Variants in SMAD4 observed in about 807,000 individuals in gnomAD.
SMAD4 encodes MAD homolog 4.
SMAD4 carries 7 observed loss-of-function variants against 63.2 expected under a neutral mutation model. That is an observed-to-expected ratio of 0.11 (90% CI 0.06 to 0.21). SMAD4 has a LOEUF of 0.21. SMAD4 is among the 10% of genes least tolerant of loss of function. The pLI, the probability that SMAD4 is intolerant of heterozygous loss-of-function variation, is 1.00. For missense variants in SMAD4, 312 were observed against 693.8 expected (o/e 0.45, Z 6.18); for synonymous variants, 215 against 235.4 (o/e 0.91, Z 0.79).
intron 1 of SMAD4, among the ~76,000 whole-genome samples, chr18:51,037,538 T>C (rs1171174573): frequency 6.6e-6 from 1 of 152,212 alleles, no homozygotes; most frequent in East Asian, 1.9e-4. Context: ...CCGGTTTCAC[T>C]TAATAATCCC....
intron 1 of SMAD4, among the ~76,000 whole-genome samples, chr18:51,046,497 AT>A (rs1479689448): frequency 6.6e-6 from 1 of 151,184 alleles, no homozygotes; most frequent in Non-Finnish European, 1.5e-5. Context: ...GCTAGGTAGA[AT>A]TTCATACCAG....
At chr18:51,055,090 C>A in intron 5 of SMAD4, 97 bp downstream of exon 5, 1 of 886,052 alleles carries the variant, frequency 1.1e-6, no homozygotes, top group Non-Finnish European at 1.9e-6. Flanking sequence ...AGTAAGTAAA[C>A]ATTAAAAGTA....
Position 51,034,691 on chromosome 18 carries a change from A to G in SMAD4, c.-128+4068A>G, listed in dbSNP as rs935608896. On this transcript the variant is annotated intron_variant, in intron 1 of 11. Transcript: ENST00000342988. ...GCGGTAGCTGGGACTACAGGCACACACCATCACACCTGTCTAATTTTTTGA... is the reference window on the plus strand; with the variant it reads ...GCGGTAGCTGGGACTACAGGCACACGCCATCACACCTGTCTAATTTTTTGA... 5.9e-5 allele frequency among the ~76,000 whole-genome samples: 9 copies of G among 152,188 alleles called. No homozygotes were observed. In the South Asian group the frequency reaches 1.7e-3, roughly 28 times the overall value.
At chr18:51,049,452 G>A (rs957842555) in intron 4 of SMAD4, 128 bp downstream of exon 4, 1 of 738,950 alleles carries the variant, frequency 1.4e-6, no homozygotes, top group Non-Finnish European at 2.4e-6. Context: ...TACTGCTTTG[G>A]AAATGTAGAT....
intron 1 of SMAD4, among the ~76,000 whole-genome samples, chr18:51,032,855 A>G (rs1210402408): frequency 6.6e-6 from 1 of 152,090 alleles, no homozygotes; most frequent in Non-Finnish European, 1.5e-5. Flanking sequence ...TGGTGAAAAC[A>G]TGTTGTTTTG....
rs1450171933 is a variant in SMAD4 at position 51,083,996 on chromosome 18, GTGCGCA to G, written c.*5530_*5535del. On this transcript the variant is annotated 3_prime_UTR_variant, in exon 12 of 12. Transcript: ENST00000342988. ...GGGCTGCAATAAACACTTAACGCGC[GTGCGCA>G]CGCGCGCGCGCACACACACACACAC... 6.3e-3 allele frequency: 958 copies of G among 152,310 alleles called. 15 individuals carry two copies. The highest frequency in any genetic ancestry group is 0.043 in the East Asian group (575 of 13,384). The allele number at this position is 152,310 out of a possible 1,614,324, so 9.4% of individuals were successfully genotyped here. A position where few individuals can be genotyped will look rare whatever the true frequency, so the allele number is the denominator to read the frequency against.
rs1036280210 is a variant in SMAD4 at position 51,081,732 on chromosome 18, C to T, written c.*3265C>T. On this transcript the variant is annotated 3_prime_UTR_variant, in exon 12 of 12. Transcript: ENST00000342988. The stretch of plus-strand genomic sequence containing the variant: ...ACAAGTTGAAGGCAAAATAAAATGT[C>T]CTGTCTCCCAGATGATATACATCTT... The T allele has an allele frequency of 9.0e-5, 21 of 232,592 alleles. No homozygotes were observed. Among genetic ancestry groups the T allele is most frequent in the Non-Finnish European group, 1.4e-4 (17 of 117,776 alleles). The allele number at this position is 232,592 out of a possible 1,614,324, so 14.4% of individuals were successfully genotyped here.
rs1250340096 is a variant in SMAD4 at position 51,081,219 on chromosome 18, C to T, written c.*2752C>T. 1 of 224,398 alleles carries T rather than the reference C, an allele frequency of 4.5e-6. No individual in the cohort carries two copies. Among genetic ancestry groups the T allele is most frequent in the Non-Finnish European group, 8.9e-6 (1 of 112,748 alleles). 13.9% of individuals were successfully genotyped at this position (224,398 alleles called of 1,614,324 possible). ...GGTTATGGTTCTGGGTGGGTTTTCTCTAGCTAATTCATATCTCAAAGAGTC... is the reference window on the plus strand; with the variant it reads ...GGTTATGGTTCTGGGTGGGTTTTCTTTAGCTAATTCATATCTCAAAGAGTC... On this transcript the variant is annotated 3_prime_UTR_variant, in exon 12 of 12. Coordinates refer to ENST00000342988, the MANE Select transcript of SMAD4 (RefSeq NM_005359.6).
intron 10 of SMAD4, among the ~76,000 whole-genome samples, chr18:51,071,737 CTG>C (rs1466086868): frequency 6.6e-6 from 1 of 152,138 alleles, no homozygotes; most frequent in East Asian, 1.9e-4. Flanking sequence ...ATTTTCATGA[CTG>C]TGGAAAAAAA....
chr18:51,037,897 G>A lies in SMAD4; in HGVS notation c.-128+7274G>A, dbSNP rs541313603. ...AATCTGATGTTTCAAGTGAAAATCA[G>A]ATTTTTGGGAAACTCCTGTCACTAT... On this transcript the variant is annotated intron_variant, in intron 1 of 11. Transcript: ENST00000342988. Among the ~76,000 whole-genome samples, 4 of 152,280 alleles carry A rather than the reference G, an allele frequency of 2.6e-5. No homozygotes were observed. The South Asian group carries it at 6.2e-4, about 24-fold the overall frequency.
intron 1 of SMAD4, among the ~76,000 whole-genome samples, chr18:51,044,444 T>C (rs781587573): frequency 5.4e-4 from 83 of 152,356 alleles, no homozygotes; most frequent in Non-Finnish European, 8.1e-4. Flanking sequence ...CAGGCTGTAG[T>C]GCAGTGGCAC....
rs148687037 is a variant in SMAD4, at chr18:51,078,479, G to T, written c.*12G>T. 6.3e-7 allele frequency: 1 copy of T among 1,588,952 alleles called. No individual in the cohort carries two copies. Among genetic ancestry groups the T allele is most frequent in the Non-Finnish European group, 8.6e-7 (1 of 1,157,662 alleles). Reference sequence around the variant, plus strand: ...AACCTTTAGACTGAGGTCTTTTACCGTTGGGGCCCTTAACCTTATCAGGAT... The same window carrying T: ...AACCTTTAGACTGAGGTCTTTTACCTTTGGGGCCCTTAACCTTATCAGGAT... On this transcript the variant is annotated 3_prime_UTR_variant, in exon 12 of 12. Coordinates refer to ENST00000342988, the MANE Select transcript of SMAD4 (RefSeq NM_005359.6).
chr18:51,049,169 C>T (rs1046272931), intron 3 of SMAD4, 126 bp from the exon 4 acceptor site: 5 of 743,326 alleles, frequency 6.7e-6, no homozygotes, highest in Non-Finnish European at 1.2e-5. Flanking sequence ...TATGCTACTT[C>T]TGAATTGAAA....
At position 51,079,557 on chromosome 18, in the gene SMAD4, A is replaced by G. The variant is rs1910557230; in HGVS notation, c.*1090A>G. Reference sequence around the variant, plus strand: ...ATGTTTAAATCATGTATGTTATGATATTGTTTAAAATTCAGTTTTTGTATC... The same window carrying G: ...ATGTTTAAATCATGTATGTTATGATGTTGTTTAAAATTCAGTTTTTGTATC... On this transcript the variant is annotated 3_prime_UTR_variant, in exon 12 of 12. Transcript: ENST00000342988. 1 of 233,414 alleles carries G rather than the reference A, an allele frequency of 4.3e-6. No individual in the cohort carries two copies. The highest frequency in any genetic ancestry group is 1.8e-4 in the South Asian group (1 of 5,532). The allele number at this position is 233,414 out of a possible 1,614,324, so 14.5% of individuals were successfully genotyped here. A position where few individuals can be genotyped will look rare whatever the true frequency, so the allele number is the denominator to read the frequency against.
intron 10 of SMAD4, among the ~76,000 whole-genome samples, chr18:51,068,495 T>C (rs1296936135): frequency 6.6e-6 from 1 of 152,208 alleles, no homozygotes; most frequent in East Asian, 1.9e-4. Flanking sequence ...CTTAATAAAT[T>C]AGCATCAATT....
In SMAD4 at chr18:51,080,144, C is replaced by T. The variant is rs981756815; in HGVS notation, c.*1677C>T. 1 of 232,460 alleles carries T rather than the reference C, an allele frequency of 4.3e-6. No homozygotes were observed. Among genetic ancestry groups the T allele is most frequent in the African/African-American group, 2.2e-5 (1 of 45,288 alleles). The allele number at this position is 232,460 out of a possible 1,614,324, so 14.4% of individuals were successfully genotyped here. The stretch of plus-strand genomic sequence containing the variant: ...ATAGAAACACTTGTGTGATGATAGT[C>T]CTCCTTATATCACCTGGAATGAACA... On this transcript the variant is annotated 3_prime_UTR_variant, in exon 12 of 12. Transcript: ENST00000342988.
chr18:51,041,901 G>A (rs10502913), intron 1 of SMAD4, among the ~76,000 whole-genome samples: 29,563 of 152,120 alleles, frequency 0.19, 3,599 homozygotes, highest in East Asian at 0.32. Context: ...TGACTGATAC[G>A]TTGTGCCAAG....
chr18:51,051,448 T>C (rs1211246532), intron 4 of SMAD4: 1 of 452,052 alleles, frequency 2.2e-6, no homozygotes, highest in South Asian at 1.6e-5. Context: ...GGACAGTTCC[T>C]TCATTTTTGA....
chr18:51,074,919 T>G (rs1199820681), intron 10 of SMAD4, among the ~76,000 whole-genome samples: 1 of 152,120 alleles, frequency 6.6e-6, no homozygotes, highest in East Asian at 1.9e-4. Context: ...GTTGGGGTCT[T>G]GGCTGGTCTT....
Sources: gnomAD v4.1 joint callset for allele counts (sites outside exome capture counted in the v4.1 genomes callset) on GRCh38, gnomAD v4.1.1 for gene constraint, MANE v1.5 for transcripts, NCBI Gene and HGNC (gene_info 2026-07-23, HGNC 2026-07-21) for gene names.